Variants in DPP3 observed in about 807,000 individuals in gnomAD.
The protein encoded by DPP3 is DPP III.
DPP3 carries 64 observed loss-of-function variants against 89.8 expected under a neutral mutation model. The ratio of observed to expected loss-of-function variants is 0.71; its 90% CI spans 0.58 to 0.88. The LOEUF is 0.88. Among genes scored for constraint, DPP3 ranks in the 40% least tolerant of loss-of-function variants. The pLI is 0.00. For synonymous variants in DPP3, 377 were observed against 404.3 expected, an observed-to-expected ratio of 0.93 and a Z score of 0.81; for missense variants, 835 against 972.5, an observed-to-expected ratio of 0.86 and a Z score of 1.88.
intron 8 of DPP3, 35 bp from the exon 9 acceptor site, chr11:66,491,662 CT>C (rs1232084731): frequency 1.2e-6 from 2 of 1,609,508 alleles, no homozygotes; most frequent in Non-Finnish European, 1.7e-6. Flanking sequence ...CCCCTCCTGC[CT>C]GCCCCTCCTC....
chr11:66,493,778 C>T, intron 12 of DPP3, 145 bp downstream of exon 12: 1 of 778,896 alleles, frequency 1.3e-6, no homozygotes, highest in Non-Finnish European at 2.0e-6. Context: ...GCAGAGAAGA[C>T]CCTGTCTTGC....
At chr11:66,487,788 C>A in intron 5 of DPP3, 126 bp from the exon 6 acceptor site, 1 of 805,498 alleles carries the variant, frequency 1.2e-6, no homozygotes. Flanking sequence ...CTGCTCCCAG[C>A]CAACCCAGAA....
Position 66,495,373 on chromosome 11 carries a change from C to T in DPP3, c.1461C>T (p.Ser487=), listed in dbSNP as rs149778109. The T allele has an allele frequency of 6.8e-6, 11 of 1,613,730 alleles. No homozygotes were observed. The highest frequency in any genetic ancestry group is 9.3e-6 in the Non-Finnish European group (11 of 1,179,832). The part of the protein sequence containing the change: ...INPETGEQIQ[S]WYRSGETWDS... ...TGGAGCTCCTTTTCCAGATTCAGAG[C>T]TGGTATCGGAGCGGGGAGACCTGGG... Residue 487 remains serine (S), a synonymous_variant, in exon 14 of 18, where the codon AGC becomes AGT. Transcript: ENST00000531863.
intron 17 of DPP3, among the ~76,000 whole-genome samples, chr11:66,506,661 G>T (rs1855810008): frequency 2.0e-5 from 3 of 151,888 alleles, no homozygotes; most frequent in Non-Finnish European, 1.5e-5. Flanking sequence ...CCCTTCTCTG[G>T]CTCACTGTAC....
Position 66,495,656 on chromosome 11 carries a change from C to A in DPP3, c.1604C>A (p.Ala535Glu). 1.9e-6 allele frequency: 3 copies of A among 1,614,092 alleles called. No individual in the cohort carries two copies. The highest frequency in any genetic ancestry group is 2.5e-6 in the Non-Finnish European group (3 of 1,180,008). ...LEIFGFEGAD[A>E]EDVIYVNWLN... ...ATCTTTGGCTTTGAGGGGGCTGATGCGGAGGACGTGATCTACGTGAACTGG... is the reference window on the plus strand; with the variant it reads ...ATCTTTGGCTTTGAGGGGGCTGATGAGGAGGACGTGATCTACGTGAACTGG... Residue 535 changes from alanine to glutamate, a missense_variant, in exon 15 of 18, where the codon GCG (alanine) becomes GAG (glutamate). Ala to Glu is a moderately radical substitution (Grantham distance 107). Transcript: ENST00000531863.
chr11:66,484,134 C>T (rs1415611115), intron 2 of DPP3, among the ~76,000 whole-genome samples: 4 of 152,114 alleles, frequency 2.6e-5, no homozygotes, highest in South Asian at 2.1e-4. Flanking sequence ...TGCACCACCA[C>T]GCCCAGCTAA....
chr11:66,485,664 G>A (rs1339348750), intron 3 of DPP3, among the ~76,000 whole-genome samples: 1 of 152,128 alleles, frequency 6.6e-6, no homozygotes, highest in East Asian at 1.9e-4. Flanking sequence ...TATAAGAGCC[G>A]GGACTTCAAT....
chr11:66,496,689 C>T (rs1398397958), intron 15 of DPP3, among the ~76,000 whole-genome samples: 1 of 152,124 alleles, frequency 6.6e-6, no homozygotes, highest in Non-Finnish European at 1.5e-5. Flanking sequence ...GCTGGGATTA[C>T]AGGTGTGAGC....
chr11:66,506,065 C>T (rs1054515770), intron 17 of DPP3, among the ~76,000 whole-genome samples: 1 of 152,150 alleles, frequency 6.6e-6, no homozygotes, highest in Non-Finnish European at 1.5e-5. Flanking sequence ...TCTCCTGCCC[C>T]AGTCTCCCGA....
chr11:66,508,500 C>T (rs1402690533), intron 17 of DPP3, among the ~76,000 whole-genome samples: 2 of 152,052 alleles, frequency 1.3e-5, no homozygotes, highest in Non-Finnish European at 1.5e-5. Flanking sequence ...CCTAGTGTGG[C>T]ACCTGGTGTC....
Position 66,497,400 on chromosome 11 carries a change from G to T in DPP3, c.1801G>T (p.Ala601Ser). Residue 601 changes from alanine (A) to serine (S), a missense_variant, in exon 16 of 18, where the codon GCC becomes TCC. Transcript: ENST00000531863. ...CACAGGCTCCGATGGGCGCCCAGAT[G>T]CCCGGGTCCGCCTCGACCGCAGCAA... ...PTTGSDGRPDARVRLDRSKIR... is the reference protein window; with the variant it reads ...PTTGSDGRPDSRVRLDRSKIR... The T allele has an allele frequency of 5.0e-6, 8 of 1,613,916 alleles. No homozygotes were observed. Among genetic ancestry groups the T allele is most frequent in the Non-Finnish European group, 6.8e-6 (8 of 1,180,002 alleles).
intron 12 of DPP3, 71 bp from the exon 13 acceptor site, chr11:66,495,135 T>C (rs2511224): frequency 0.65 from 1,042,032 of 1,610,076 alleles, 342,568 homozygotes; most frequent in South Asian, 0.8. Flanking sequence ...CTTTCCGGCC[T>C]GTGGATTCTG....
At chr11:66,488,261 CG>C (rs1372001914) in intron 6 of DPP3, among the ~76,000 whole-genome samples, 2 of 152,052 alleles carry the variant, frequency 1.3e-5, no homozygotes, top group African/African-American at 4.8e-5. Flanking sequence ...TGGAGTCAGG[CG>C]ATGAGGTTGG....
At chr11:66,487,861 C>G (rs573316003) in intron 5 of DPP3, 53 bp from the exon 6 acceptor site, 1 of 1,553,552 alleles carries the variant, frequency 6.4e-7, no homozygotes, top group African/African-American at 1.4e-5. Context: ...CTTCCTCCCA[C>G]CCCACTGCCC....
intron 17 of DPP3, among the ~76,000 whole-genome samples, chr11:66,505,554 A>G (rs527664034): frequency 9.2e-5 from 14 of 152,278 alleles, no homozygotes; most frequent in South Asian, 6.2e-4. Flanking sequence ...CTGGGGATTA[A>G]CCTTTTAAAT....
intron 16 of DPP3, 145 bp downstream of exon 16, chr11:66,497,622 G>T: frequency 8.3e-7 from 1 of 1,200,628 alleles, no homozygotes; most frequent in Middle Eastern, 2.5e-4. Context: ...CGCACCGGGT[G>T]CCTCACGCCT....
At chr11:66,507,295 G>A (rs763324252) in intron 17 of DPP3, among the ~76,000 whole-genome samples, 26 of 151,802 alleles carry the variant, frequency 1.7e-4, no homozygotes, top group African/African-American at 4.4e-4. Context: ...GTGAAACCCC[G>A]TCTCTACTAA....
At chr11:66,480,615 C>A in intron 1 of DPP3, 150 bp downstream of exon 1, 2 of 923,858 alleles carry the variant, frequency 2.2e-6, no homozygotes, top group Non-Finnish European at 3.0e-6. Context: ...AGGAGTGCTC[C>A]GGGGAGCAAA....
At chr11:66,507,650 G>C (rs1377224342) in intron 17 of DPP3, among the ~76,000 whole-genome samples, 2 of 151,462 alleles carry the variant, frequency 1.3e-5, no homozygotes, top group African/African-American at 4.9e-5. Context: ...GAACAGGTTG[G>C]ATTTTCAAAG....
Sources: allele counts gnomAD v4.1 joint callset (sites outside exome capture counted in the v4.1 genomes callset), GRCh38; gene constraint gnomAD v4.1.1; transcripts MANE v1.5; gene names NCBI Gene and HGNC (gene_info 2026-07-23, HGNC 2026-07-21).